POTEI: variants seen among roughly 807,000 people sequenced by gnomAD.
POTEI encodes POTE ankyrin domain family member I.
POTEI carries 14 observed loss-of-function variants against 43.4 expected under a neutral mutation model. The ratio of observed to expected loss-of-function variants is 0.32; its 90% confidence interval spans 0.21 to 0.50. The LOEUF (loss-of-function observed/expected upper bound fraction) is 0.50. Among genes scored for constraint, POTEI ranks in the 20% least tolerant of loss-of-function variants. The pLI is 0.98. For missense variants in POTEI, 235 were observed against 795.4 expected, an observed-to-expected ratio of 0.30 and a Z score of 8.47; for synonymous variants, 95 against 297.9, an observed-to-expected ratio of 0.32 and a Z score of 7.01.
At chr2:130,491,790 G>C (rs1390921245) in intron 6 of POTEI, among the ~76,000 whole-genome samples, 1 of 106,686 alleles carries the variant, frequency 9.4e-6, no homozygotes, top group Non-Finnish European at 2.1e-5. Context: ...GAGAAGCTGG[G>C]ATTACAGGCA....
Position 130,474,495 on chromosome 2 carries a change from T to G in POTEI, c.1661A>C (p.Glu554Ala). 9.7e-7 allele frequency: 1 copy of G among 1,028,680 alleles called. No individual in the cohort carries two copies. Among genetic ancestry groups the G allele is most frequent in the Non-Finnish European group, 1.3e-6 (1 of 750,898 alleles). The allele number at this position is 1,028,680 out of a possible 1,614,324, so 63.7% of individuals were successfully genotyped here. ...AGCAGTGGCACCATTAGTCAGGTTTTCTGGGAATCCGACGTGAGTACTTCC... is the reference window on the plus strand; with the variant it reads ...AGCAGTGGCACCATTAGTCAGGTTTGCTGGGAATCCGACGTGAGTACTTCC... Reference protein sequence around the residue: ...KHGSTHVGFPENLTNGATAGN... With the variant: ...KHGSTHVGFPANLTNGATAGN... The change falls in exon 13 of 15, where the codon GAA becomes GCA. Residue 554 changes from glutamate (E) to alanine (A), a missense_variant. Physicochemically the swap from Glu to Ala is moderately radical, Grantham distance 107 (BLOSUM62 -1). Coordinates refer to ENST00000451531, the MANE Select transcript of POTEI (RefSeq NM_001277406.2).
chr2:130,463,639 G>A lies in POTEI; in HGVS notation c.2405C>T (p.Pro802Leu). ...NELRVAPEEH[P>L]ILLTEAPLNP... ...CAGGGGGGCCTCGGTCAGCAGGATG[G>A]GGTGCTCCTCAGGGGCCACACGCAG... The change falls in exon 15 of 15, where the codon CCC becomes CTC. Residue 802 changes from proline (P) to leucine (L), a missense_variant. Coordinates refer to ENST00000451531, the MANE Select transcript of POTEI (RefSeq NM_001277406.2). The A allele has an allele frequency of 6.2e-7, 1 of 1,607,514 alleles. No individual in the cohort carries two copies. The highest frequency in any genetic ancestry group is 8.5e-7 in the Non-Finnish European group (1 of 1,179,472).
chr2:130,496,523 C>CTAAAG (rs1683910695), intron 6 of POTEI, 29 bp downstream of exon 6: 1 of 1,322,604 alleles, frequency 7.6e-7, no homozygotes, highest in Non-Finnish European at 1.0e-6. Flanking sequence ...GGACAACTGA[C>CTAAAG]TAAAGTAATT....
At chr2:130,485,121 G>A (rs1412321712) in intron 9 of POTEI, among the ~76,000 whole-genome samples, 4 of 151,760 alleles carry the variant, frequency 2.6e-5, no homozygotes, top group East Asian at 1.9e-4. Context: ...GAGACGTCAA[G>A]TAGGCAGGCT....
rs2105030206 is a variant in POTEI at position 130,459,876 on chromosome 2, G to T, written c.*2940C>A. The T allele has an allele frequency of 7.1e-6, 1 of 141,152 alleles. No homozygotes were observed. The highest frequency in any genetic ancestry group is 3.1e-5 in the African/African-American group (1 of 32,630). 8.7% of individuals were successfully genotyped at this position (141,152 alleles called of 1,614,324 possible). ...TCCTTCACTTATGATGCTTAATTTT[G>T]CTGGACATGAAATTCTGGGCTGAAA... On this transcript the variant is annotated 3_prime_UTR_variant, in exon 15 of 15. Transcript: ENST00000451531.
Position 130,463,624 on chromosome 2 carries a change from T to A in POTEI, c.2420A>T (p.Glu807Val), listed in dbSNP as rs745731266. Residue 807 changes from glutamate (E) to valine (V), a missense_variant, in exon 15 of 15, where the codon GAG becomes GTG. Glu to Val is a moderately radical substitution (Grantham distance 121). Coordinates refer to ENST00000451531, the MANE Select transcript of POTEI (RefSeq NM_001277406.2). ...GTTGGCCTTGGGGTTCAGGGGGGCC[T>A]CGGTCAGCAGGATGGGGTGCTCCTC... ...APEEHPILLT[E>V]APLNPKANRE... The A allele has an allele frequency of 3.1e-6, 5 of 1,606,654 alleles. No homozygotes were observed. The highest frequency in any genetic ancestry group is 4.2e-6 in the Non-Finnish European group (5 of 1,179,296).
chr2:130,482,410 C>T (rs577856490), intron 9 of POTEI, among the ~76,000 whole-genome samples: 2 of 150,532 alleles, frequency 1.3e-5, no homozygotes, highest in East Asian at 3.9e-4. Context: ...TTCTCTTAGG[C>T]TTAATGTCTT....
chr2:130,485,238 G>A (rs1224914092), intron 9 of POTEI, among the ~76,000 whole-genome samples: 2 of 151,230 alleles, frequency 1.3e-5, no homozygotes, highest in Admixed American at 1.3e-4. Flanking sequence ...GGGTGCAGTG[G>A]CTCACACCTG....
rs189780450 is a variant in POTEI at position 130,479,295 on chromosome 2, G to C, written c.1481-2594C>G. Among the ~76,000 whole-genome samples the C allele has an allele frequency of 1.1e-3, 163 of 151,150 alleles. 3 individuals are homozygous for C. Among genetic ancestry groups the C allele is most frequent in the African/African-American group, 3.6e-3 (146 of 40,784 alleles). On this transcript the variant is annotated intron_variant, in intron 10 of 14. Transcript: ENST00000451531. ...AGGAAAAAAAAATTAAGCAAAACAA[G>C]TGAAAAAGGCATAACGAAGGCCAAC...
At position 130,460,300 on chromosome 2, in the gene POTEI, T is replaced by C. The variant is rs2105030988; in HGVS notation, c.*2516A>G. The C allele has an allele frequency of 6.6e-6, 1 of 151,988 alleles. No homozygotes were observed. The highest frequency in any genetic ancestry group is 2.4e-5 in the African/African-American group (1 of 41,356). The allele number at this position is 151,988 out of a possible 1,614,324, so 9.4% of individuals were successfully genotyped here. A position where few individuals can be genotyped will look rare whatever the true frequency, so the allele number is the denominator to read the frequency against. ...TCTCAGAGGAGAACTCTCTCAAAAG[T>C]GAACCCCCAGCACAGCACAGCCGCT... On this transcript the variant is annotated 3_prime_UTR_variant, in exon 15 of 15. Transcript: ENST00000451531.
At chr2:130,504,899 T>G (rs1394306174) in intron 1 of POTEI, among the ~76,000 whole-genome samples, 1 of 134,852 alleles carries the variant, frequency 7.4e-6, no homozygotes, top group Non-Finnish European at 1.6e-5. Flanking sequence ...TATGAAACTA[T>G]TTGTGGAGCT....
At chr2:130,505,098 T>C (rs1288761626) in intron 1 of POTEI, among the ~76,000 whole-genome samples, 1 of 150,012 alleles carries the variant, frequency 6.7e-6, no homozygotes, top group African/African-American at 2.5e-5. Context: ...CCCCAGTGTG[T>C]GTTCCTTCCC....
chr2:130,477,101 A>G (rs1195643777), intron 10 of POTEI, among the ~76,000 whole-genome samples: 1 of 150,962 alleles, frequency 6.6e-6, no homozygotes, highest in African/African-American at 2.5e-5. Flanking sequence ...CGTCTTCCTA[A>G]TATCTAAAAT....
In POTEI at chr2:130,493,790, T is replaced by C. The variant is rs185369961; in HGVS notation, c.1126+2762A>G. ...TTTAAAAAAAAAGCCTGCCAACTATTAATGTTATTTCTTACATGAAAAAAA... is the reference window on the plus strand; with the variant it reads ...TTTAAAAAAAAAGCCTGCCAACTATCAATGTTATTTCTTACATGAAAAAAA... On this transcript the variant is annotated intron_variant, in intron 6 of 14. Transcript: ENST00000451531. Among the ~76,000 whole-genome samples, 13 of 39,758 alleles carry C rather than the reference T, an allele frequency of 3.3e-4. 6 individuals are homozygous for C. The highest frequency in any genetic ancestry group is 4.9e-4 in the Non-Finnish European group (9 of 18,380). The allele number at this position is 39,758 out of a possible 152,430, so 26.1% of individuals were successfully genotyped here. A position where few individuals can be genotyped will look rare whatever the true frequency, so the allele number is the denominator to read the frequency against.
chr2:130,464,575 A>G (rs922710432), intron 14 of POTEI, among the ~76,000 whole-genome samples: 4 of 150,508 alleles, frequency 2.7e-5, no homozygotes, highest in Non-Finnish European at 4.4e-5. Context: ...CACCATCCTA[A>G]GAGCCTTAGC....
At chr2:130,477,628 G>A (rs896732518) in intron 10 of POTEI, among the ~76,000 whole-genome samples, 2 of 142,646 alleles carry the variant, frequency 1.4e-5, no homozygotes, top group Non-Finnish European at 3.0e-5. Flanking sequence ...GACTGCAGGG[G>A]AGAGTCTTGC....
rs528703832 is a variant in POTEI, at chr2:130,477,279, G to A, written c.1481-578C>T. Among the ~76,000 whole-genome samples the A allele has an allele frequency of 5.1e-3, 741 of 145,164 alleles. 4 individuals carry two copies. Among genetic ancestry groups the A allele is most frequent in the African/African-American group, 0.018 (683 of 38,884 alleles). ...AGTGATTCTCCTGCTTCAGTCTCCTGAGTAACTGTGATTACAGGCAAGCAC... is the reference window on the plus strand; with the variant it reads ...AGTGATTCTCCTGCTTCAGTCTCCTAAGTAACTGTGATTACAGGCAAGCAC... On this transcript the variant is annotated intron_variant, in intron 10 of 14. Coordinates refer to ENST00000451531, the MANE Select transcript of POTEI (RefSeq NM_001277406.2).
intron 6 of POTEI, among the ~76,000 whole-genome samples, chr2:130,493,270 C>A (rs1227574519): frequency 7.4e-5 from 6 of 80,874 alleles, no homozygotes; most frequent in Non-Finnish European, 2.7e-5. Flanking sequence ...CTAAAAGGAA[C>A]AACTCCGATA....
chr2:130,509,280 C>G lies in POTEI; in HGVS notation c.-45G>C. On this transcript the variant is annotated 5_prime_UTR_variant, in exon 1 of 15. Coordinates refer to ENST00000451531, the MANE Select transcript of POTEI (RefSeq NM_001277406.2). Reference sequence around the variant, plus strand: ...GAGGCCGGTAGTAGCGAGCAGATCACGTCTACCAACCAGTTTCACCAACTA... The same window carrying G: ...GAGGCCGGTAGTAGCGAGCAGATCAGGTCTACCAACCAGTTTCACCAACTA... The G allele has an allele frequency of 3.4e-6, 3 of 887,056 alleles. No individual in the cohort carries two copies. In the South Asian group the frequency reaches 5.1e-5, roughly 15 times the overall value. 54.9% of individuals were successfully genotyped at this position (887,056 alleles called of 1,614,324 possible).
Sources: allele counts gnomAD v4.1 joint callset (sites outside exome capture counted in the v4.1 genomes callset), GRCh38; gene constraint gnomAD v4.1.1; transcripts MANE v1.5; gene names NCBI Gene and HGNC (gene_info 2026-07-23, HGNC 2026-07-21).